The following PPA1 variants were observed in gnomAD, a reference collection of about 807,000 sequenced individuals.
PPA1 encodes the protein inorganic pyrophosphatase 1.
PPA1 carries 23 observed loss-of-function variants against 41.8 expected under a neutral mutation model. The observed-to-expected ratio is 0.55, with a 90% CI of 0.40 to 0.78. PPA1 has a LOEUF of 0.78. PPA1 is among the 30% of genes least tolerant of loss of function. The pLI is 0.00. For missense variants in PPA1, 320 were observed against 361.6 expected (o/e 0.89, Z 0.93); for synonymous variants, 101 against 116.8 (o/e 0.86, Z 0.87).
intron 2 of PPA1, among the ~76,000 whole-genome samples, chr10:70,221,076 A>ATTTTTTTTT (rs11310336): frequency 2.5e-5 from 1 of 40,048 alleles, no homozygotes. Flanking sequence ...ATATATATAT[A>ATTTTTTTTT]TTTTTTTTTT....
chr10:70,218,881 A>G (rs1840105636), intron 2 of PPA1, 64 bp from the exon 3 acceptor site: 1 of 1,193,696 alleles, frequency 8.4e-7, no homozygotes, highest in African/African-American at 1.5e-5. Context: ...GGGAGCATGC[A>G]CTATTTCTTC....
intron 10 of PPA1, chr10:70,204,312 A>G (rs1315775544): frequency 6.6e-6 from 1 of 152,078 alleles, no homozygotes; most frequent in East Asian, 1.9e-4. Flanking sequence ...GAATCACTTT[A>G]ACTTGGGGGG....
chr10:70,214,342 A>G (rs1282485514), intron 5 of PPA1, among the ~76,000 whole-genome samples, 158 bp downstream of exon 5: 2 of 152,252 alleles, frequency 1.3e-5, no homozygotes, highest in Non-Finnish European at 2.9e-5. Flanking sequence ...AAATTATAAT[A>G]TACAAATGCT....
intron 2 of PPA1, among the ~76,000 whole-genome samples, chr10:70,223,217 A>AAGAC (rs1554830755): frequency 2.0e-5 from 3 of 148,728 alleles, no homozygotes; most frequent in Non-Finnish European, 3.0e-5. Context: ...CATTTTTTTA[A>AAGAC]AGAGAGAGAG....
chr10:70,215,621 C>T (rs912513050), intron 4 of PPA1, among the ~76,000 whole-genome samples: 9 of 152,028 alleles, frequency 5.9e-5, no homozygotes, highest in Non-Finnish European at 8.8e-5. Context: ...GCTGGGATTA[C>T]AGGTGTATGC....
intron 2 of PPA1, among the ~76,000 whole-genome samples, chr10:70,229,775 G>A (rs1351747097): frequency 2.0e-5 from 3 of 151,912 alleles, no homozygotes; most frequent in Non-Finnish European, 4.4e-5. Context: ...CATACAAAAA[G>A]GACCAATGTA....
chr10:70,222,335 C>CAAAAAAAAAA (rs67974203), intron 2 of PPA1, among the ~76,000 whole-genome samples: 3 of 73,166 alleles, frequency 4.1e-5, no homozygotes, highest in Non-Finnish European at 7.3e-5. Flanking sequence ...GACTCCGTCT[C>CAAAAAAAAAA]AAAAAAAAAA....
At chr10:70,219,301 T>C (rs908350270) in intron 2 of PPA1, among the ~76,000 whole-genome samples, 1 of 152,190 alleles carries the variant, frequency 6.6e-6, no homozygotes, top group African/African-American at 2.4e-5. Flanking sequence ...AAACAGTTCT[T>C]AAATAAACGT....
Position 70,217,864 on chromosome 10 carries a change from G to C in PPA1, c.245C>G (p.Ala82Gly), listed in dbSNP as rs146426252. The C allele has an allele frequency of 1.2e-6, 2 of 1,605,994 alleles. No homozygotes were observed. The highest frequency in any genetic ancestry group is 8.5e-7 in the Non-Finnish European group (1 of 1,175,010). ...DVKKGKLRYV[A>G]NLFPYKGYIW... is the part of the protein sequence containing the mutation. ...ATATCCTTTATACGGGAACAAATTC[G>C]CAACATAGCGAAGTTTTCCTTTTTT... is the stretch of plus-strand genomic sequence containing the variant. Residue 82 changes from alanine to glycine, a missense_variant, in exon 4 of 11, where the codon GCG becomes GGG. Transcript: ENST00000373232.
chr10:70,206,025 A>G, intron 9 of PPA1: 1 of 481,724 alleles, frequency 2.1e-6, no homozygotes, highest in Non-Finnish European at 3.8e-6. Context: ...TGATTTTTAC[A>G]AATCTTACTA....
At chr10:70,219,603 C>A (rs1488468782) in intron 2 of PPA1, among the ~76,000 whole-genome samples, 1 of 152,098 alleles carries the variant, frequency 6.6e-6, no homozygotes, top group Non-Finnish European at 1.5e-5. Flanking sequence ...AGAAATAAAG[C>A]CCCCCTGAAA....
intron 8 of PPA1, 44 bp downstream of exon 8, chr10:70,209,161 C>A (rs1367692260): frequency 7.3e-7 from 1 of 1,364,348 alleles, no homozygotes. Flanking sequence ...TTTCTGCAAG[C>A]TGGTCTGCTT....
At chr10:70,215,465 TCTTC>T (rs1840069184) in intron 4 of PPA1, among the ~76,000 whole-genome samples, 1 of 151,918 alleles carries the variant, frequency 6.6e-6, no homozygotes, top group African/African-American at 2.4e-5. Context: ...TTGTTTTTCT[TCTTC>T]CTTTTTTTTC....
rs572300752 is a variant in PPA1 at position 70,208,666 on chromosome 10, T to C, written c.725+539A>G. On this transcript the variant is annotated intron_variant, in intron 8 of 10. Coordinates refer to ENST00000373232, the MANE Select transcript of PPA1 (RefSeq NM_021129.4). ...TCTTAGGACTGTACATTTTTACACATATAACTCTTCTCCATTTTTCTTCTG... is the reference window on the plus strand; with the variant it reads ...TCTTAGGACTGTACATTTTTACACACATAACTCTTCTCCATTTTTCTTCTG... 7.9e-5 allele frequency among the ~76,000 whole-genome samples: 12 copies of C among 152,228 alleles called. No homozygotes were observed. In the South Asian group the frequency reaches 2.5e-3, roughly 32 times the overall value.
chr10:70,210,504 G>A, intron 6 of PPA1: 1 of 1,184,156 alleles, frequency 8.4e-7, no homozygotes, highest in East Asian at 4.9e-5. Flanking sequence ...GATAGTACAG[G>A]CACTGTACAT....
chr10:70,221,053 ATAATTTATATATATATATATATATTTT>A (rs1840156625), intron 2 of PPA1, among the ~76,000 whole-genome samples: 1 of 51,522 alleles, frequency 1.9e-5, no homozygotes. Context: ...ATATATATAT[ATAATTTATATATATATATATATATTTT>A]TTTTTTTTTT....
chr10:70,205,402 T>C (rs926598076), intron 9 of PPA1: 1 of 152,056 alleles, frequency 6.6e-6, no homozygotes, highest in Non-Finnish European at 1.5e-5. Flanking sequence ...TTCAAGCCTC[T>C]TGACTTTTTA....
At chr10:70,229,268 C>A (rs75271139) in intron 2 of PPA1, among the ~76,000 whole-genome samples, 1 of 152,094 alleles carries the variant, frequency 6.6e-6, no homozygotes, top group Non-Finnish European at 1.5e-5. Flanking sequence ...GGCAGTCCCA[C>A]GAATCATAAC....
chr10:70,214,485 G>A lies in PPA1; in HGVS notation c.384+15C>T, dbSNP rs1840055955. ...ATATCTCAACACTAAAGAAAAAAATGTCACATTTCATTACCTTGCTTCCAA... is the reference window on the plus strand; with the variant it reads ...ATATCTCAACACTAAAGAAAAAAATATCACATTTCATTACCTTGCTTCCAA... On this transcript the variant is annotated intron_variant, in intron 5 of 10. Transcript: ENST00000373232. The A allele has an allele frequency of 1.2e-6, 2 of 1,600,046 alleles. No individual in the cohort carries two copies. Among genetic ancestry groups the A allele is most frequent in the Non-Finnish European group, 1.7e-6 (2 of 1,170,508 alleles).
Sources: gnomAD v4.1 joint callset for allele counts (sites outside exome capture counted in the v4.1 genomes callset) on GRCh38, gnomAD v4.1.1 for gene constraint, MANE v1.5 for transcripts, NCBI Gene and HGNC (gene_info 2026-07-23, HGNC 2026-07-21) for gene names.